Variants in SFMBT2 observed in about 807,000 individuals in gnomAD.
The protein encoded by SFMBT2 is Scm like with four mbt domains 2.
In SFMBT2, 38 loss-of-function variants were observed where a neutral mutation model predicts 110.1. The observed-to-expected ratio is 0.35, with a 90% CI of 0.27 to 0.45. SFMBT2 has a LOEUF of 0.45. SFMBT2 is among the 20% of genes least tolerant of loss of function. SFMBT2 has a pLI of 1.00. For missense variants in SFMBT2, 1,011 were observed against 1,094.9 expected (o/e 0.92, Z 1.08); for synonymous variants, 425 against 425.4 (o/e 1.00, Z 0.01).
At chr10:7,268,052 C>T (rs1449744906) in intron 7 of SFMBT2, among the ~76,000 whole-genome samples, 3 of 152,136 alleles carry the variant, frequency 2.0e-5, no homozygotes, top group Non-Finnish European at 4.4e-5. Context: ...TATTTGCAAA[C>T]ACGTAGGATC....
intron 9 of SFMBT2, among the ~76,000 whole-genome samples, chr10:7,229,313 G>A (rs866134150): frequency 6.6e-6 from 1 of 152,160 alleles, no homozygotes; most frequent in Admixed American, 6.5e-5. Context: ...GGGCGCGGTG[G>A]CTCACGCCTG....
At chr10:7,328,937 A>C (rs1843477220) in intron 4 of SFMBT2, among the ~76,000 whole-genome samples, 1 of 152,198 alleles carries the variant, frequency 6.6e-6, no homozygotes. Flanking sequence ...TCCAGGCATT[A>C]CTTGTGAGAT....
chr10:7,350,087 C>A (rs965163697), intron 4 of SFMBT2, among the ~76,000 whole-genome samples: 13 of 152,200 alleles, frequency 8.5e-5, no homozygotes, highest in Non-Finnish European at 1.8e-4. Flanking sequence ...CACTCCACAG[C>A]CTTCTTCCCA....
chr10:7,245,885 G>GA (rs888003813), intron 8 of SFMBT2, among the ~76,000 whole-genome samples: 3 of 151,822 alleles, frequency 2.0e-5, no homozygotes, highest in African/African-American at 4.8e-5. Flanking sequence ...GCCCAAGGTG[G>GA]AAAAAAAATG....
At chr10:7,215,516 GT>G (rs1169065596) in intron 11 of SFMBT2, 74 of 983,370 alleles carry the variant, frequency 7.5e-5, no homozygotes, top group Non-Finnish European at 8.9e-5. Context: ...GGCAGGGGTT[GT>G]TTTATCCAAC....
At chr10:7,177,708 A>G (rs1308074252) in intron 16 of SFMBT2, among the ~76,000 whole-genome samples, 4 of 152,064 alleles carry the variant, frequency 2.6e-5, no homozygotes, top group Non-Finnish European at 5.9e-5. Context: ...TCTACAAAAA[A>G]TTTAAAAACT....
chr10:7,299,056 A>G (rs1173819467), intron 4 of SFMBT2, among the ~76,000 whole-genome samples: 1 of 152,194 alleles, frequency 6.6e-6, no homozygotes, highest in Non-Finnish European at 1.5e-5. Flanking sequence ...ACTACAAAAT[A>G]CAAAAATTAG....
At chr10:7,190,783 T>C (rs559490474) in intron 15 of SFMBT2, among the ~76,000 whole-genome samples, 53 of 152,288 alleles carry the variant, frequency 3.5e-4, no homozygotes, top group African/African-American at 1.2e-3. Context: ...AATAGGACCT[T>C]AGGTGTCTCA....
intron 15 of SFMBT2, among the ~76,000 whole-genome samples, chr10:7,190,875 T>A (rs111258970): frequency 7.9e-5 from 12 of 152,204 alleles, no homozygotes; most frequent in Non-Finnish European, 1.5e-4. Flanking sequence ...CCATGTGTTG[T>A]GGGAGGAACC....
intron 4 of SFMBT2, among the ~76,000 whole-genome samples, chr10:7,290,310 T>C (rs562967500): frequency 6.6e-6 from 1 of 152,232 alleles, no homozygotes; most frequent in South Asian, 2.1e-4. Context: ...ATGAACATTT[T>C]TTCAAGGTTT....
intron 9 of SFMBT2, among the ~76,000 whole-genome samples, chr10:7,239,893 C>T (rs1003810194): frequency 4.1e-5 from 6 of 146,618 alleles, no homozygotes; most frequent in Admixed American, 1.3e-4. Flanking sequence ...GTTTTTAACC[C>T]GACACCCCTG....
Position 7,171,319 on chromosome 10 carries a change from G to A in SFMBT2, c.2416-263C>T. ...AGTCGCTCTTGCATCCCTAGTTCAG[G>A]AAACCTTGGGCCTGCTTATGAACGA... is the stretch of plus-strand genomic sequence containing the variant. On this transcript the variant is annotated intron_variant, in intron 19 of 20. Transcript: ENST00000397167. The surrounding 1 kb of genome is among the most constrained non-coding windows in gnomAD (Gnocchi z 4.9). The A allele has an allele frequency of 2.1e-6, 2 of 947,116 alleles. No individual in the cohort carries two copies. The highest frequency in any genetic ancestry group is 2.5e-6 in the Non-Finnish European group (2 of 795,056). The allele number at this position is 947,116 out of a possible 1,614,324, so 58.7% of individuals were successfully genotyped here.
intron 11 of SFMBT2, among the ~76,000 whole-genome samples, chr10:7,219,140 T>C (rs1376148969): frequency 6.6e-6 from 1 of 152,186 alleles, no homozygotes; most frequent in Non-Finnish European, 1.5e-5. Context: ...CATTACAAAA[T>C]ACAGAAGGAA....
At chr10:7,200,931 C>CA in intron 13 of SFMBT2, 1 of 795,970 alleles carries the variant, frequency 1.3e-6, no homozygotes, top group Non-Finnish European at 1.5e-6. Context: ...GGAGTCATGG[C>CA]CACACTAAAA....
chr10:7,242,536 T>C (rs1337637747), intron 9 of SFMBT2, among the ~76,000 whole-genome samples: 4 of 152,214 alleles, frequency 2.6e-5, no homozygotes, highest in Non-Finnish European at 5.9e-5. Context: ...AAGTTTACCA[T>C]ATACCATTAG....
At chr10:7,362,113 A>G (rs778485365) in intron 4 of SFMBT2, among the ~76,000 whole-genome samples, 21 of 152,172 alleles carry the variant, frequency 1.4e-4, no homozygotes, top group Non-Finnish European at 2.5e-4. Context: ...CTCCACTAAT[A>G]AGAGCCATAA....
chr10:7,404,953 C>T (rs1420730151), intron 1 of SFMBT2, among the ~76,000 whole-genome samples: 3 of 152,214 alleles, frequency 2.0e-5, no homozygotes, highest in East Asian at 3.8e-4. Flanking sequence ...AGCAGACTAT[C>T]TTCCCTTCCT....
intron 4 of SFMBT2, among the ~76,000 whole-genome samples, chr10:7,356,710 G>A (rs954327728): frequency 3.9e-5 from 6 of 152,174 alleles, no homozygotes; most frequent in Non-Finnish European, 7.3e-5. Flanking sequence ...GAGCCACGGC[G>A]CCCAGCCAGC....
rs1302627430 is a variant in SFMBT2, at chr10:7,248,544, C to T, written c.972+4G>A. Reference sequence around the variant, plus strand: ...GGGTCGAAGAGCGAGGGAGGAAAACCCACCTTAGTCACCGACGCAGGAGAG... The same window carrying T: ...GGGTCGAAGAGCGAGGGAGGAAAACTCACCTTAGTCACCGACGCAGGAGAG... On this transcript the variant is annotated splice_donor_region_variant and intron_variant, in intron 8 of 20. Transcript: ENST00000397167. 1 of 1,613,334 alleles carries T rather than the reference C, an allele frequency of 6.2e-7. No homozygotes were observed. The highest frequency in any genetic ancestry group is 2.2e-5 in the East Asian group (1 of 44,870).
Sources: gnomAD v4.1 joint callset for allele counts (sites outside exome capture counted in the v4.1 genomes callset) on GRCh38, gnomAD v4.1.1 for gene constraint, Gnocchi (gnomAD v3.1) non-coding constraint, MANE v1.5 for transcripts, NCBI Gene and HGNC (gene_info 2026-07-23, HGNC 2026-07-21) for gene names.